Variants in NLGN1 observed in about 807,000 individuals in gnomAD.
NLGN1 encodes the protein neuroligin 1.
Under a neutral mutation model 65.5 loss-of-function variants are expected in NLGN1, and 12 were observed. That is an observed-to-expected ratio of 0.18 (90% confidence interval 0.12 to 0.30). The LOEUF (loss-of-function observed/expected upper bound fraction) is 0.30, where lower values mean the gene tolerates loss of function less well. NLGN1 is among the 10% of genes least tolerant of loss of function. The pLI is 1.00. For synonymous variants in NLGN1, 350 were observed against 359.5 expected, an observed-to-expected ratio of 0.97 and a Z score of 0.30; for missense variants, 750 against 1,007.1, an observed-to-expected ratio of 0.74 and a Z score of 3.46.
At chr3:174,165,956 C>G (rs1038418559) in intron 4 of NLGN1, among the ~76,000 whole-genome samples, 1 of 151,974 alleles carries the variant, frequency 6.6e-6, no homozygotes, top group Non-Finnish European at 1.5e-5. Flanking sequence ...TTATCCATTT[C>G]CTGTAGATTT....
intron 4 of NLGN1, among the ~76,000 whole-genome samples, chr3:173,839,526 G>A (rs561796817): frequency 6.8e-4 from 104 of 151,906 alleles, no homozygotes; most frequent in Non-Finnish European, 1.3e-3. Context: ...GGATTCAAGC[G>A]ATTCTTCTGC....
At chr3:173,810,805 A>C (rs1027198480) in intron 4 of NLGN1, among the ~76,000 whole-genome samples, 7 of 152,228 alleles carry the variant, frequency 4.6e-5, no homozygotes, top group Admixed American at 2.0e-4. Context: ...TCCTCAGAAG[A>C]AGCTAGTAAC....
intron 3 of NLGN1, among the ~76,000 whole-genome samples, chr3:173,674,386 T>G (rs967308227): frequency 4.6e-5 from 4 of 87,810 alleles, no homozygotes; most frequent in African/African-American, 1.1e-4. Flanking sequence ...TTATCCCAAC[T>G]TTACAGATGA....
chr3:173,889,798 T>C (rs1247671864), intron 4 of NLGN1, among the ~76,000 whole-genome samples: 3 of 152,084 alleles, frequency 2.0e-5, no homozygotes, highest in Non-Finnish European at 4.4e-5. Context: ...AAAATATGCA[T>C]CCTTCAAAAG....
chr3:173,951,851 C>T (rs2152330088), intron 4 of NLGN1, among the ~76,000 whole-genome samples: 1 of 152,128 alleles, frequency 6.6e-6, no homozygotes. Context: ...TATGTATATC[C>T]CATACCATTC....
chr3:173,758,105 A>T (rs768336073), intron 3 of NLGN1, among the ~76,000 whole-genome samples: 12 of 152,028 alleles, frequency 7.9e-5, no homozygotes, highest in Non-Finnish European at 2.9e-5. Context: ...TTATAAGAAG[A>T]GGAAGAAACA....
intron 4 of NLGN1, among the ~76,000 whole-genome samples, chr3:174,168,758 G>A (rs1415397880): frequency 6.6e-6 from 1 of 152,160 alleles, no homozygotes; most frequent in African/African-American, 2.4e-5. Context: ...GGGGATGACC[G>A]GGGCACATCC....
intron 3 of NLGN1, among the ~76,000 whole-genome samples, chr3:173,609,123 A>T (rs896044257): frequency 2.0e-5 from 3 of 151,978 alleles, no homozygotes; most frequent in Non-Finnish European, 2.9e-5. Context: ...GAGAAGGAGA[A>T]ACAAAGGACC....
intron 4 of NLGN1, among the ~76,000 whole-genome samples, chr3:174,179,449 C>T (rs1729992383): frequency 6.6e-6 from 1 of 152,032 alleles, no homozygotes; most frequent in South Asian, 2.1e-4. Context: ...ATTCAGACAG[C>T]TTCTGATGTA....
intron 1 of NLGN1, among the ~76,000 whole-genome samples, chr3:173,399,396 TC>T (rs1470919589): frequency 1.2e-4 from 18 of 152,226 alleles, no homozygotes; most frequent in African/African-American, 4.1e-4. Context: ...TCTCCCTTCT[TC>T]CACCCCCAAA....
chr3:173,949,176 C>T (rs9844274), intron 4 of NLGN1, among the ~76,000 whole-genome samples: 43,955 of 151,794 alleles, frequency 0.29, 6,573 homozygotes, highest in East Asian at 0.34. Context: ...ATAAAAATAG[C>T]ATGTTTTAGA....
chr3:173,501,056 A>G (rs1731026137), intron 2 of NLGN1, among the ~76,000 whole-genome samples: 1 of 152,142 alleles, frequency 6.6e-6, no homozygotes, highest in African/African-American at 2.4e-5. Context: ...CCAGGTTTTT[A>G]AAAATCTTTT....
intron 2 of NLGN1, among the ~76,000 whole-genome samples, chr3:173,465,293 A>G (rs1183211364): frequency 6.6e-6 from 1 of 152,168 alleles, no homozygotes; most frequent in Non-Finnish European, 1.5e-5. Context: ...CAAATGAGCA[A>G]TCCACTTTAG....
intron 4 of NLGN1, among the ~76,000 whole-genome samples, chr3:174,045,407 A>ACTCACTT (rs1733331469): frequency 6.6e-6 from 1 of 151,912 alleles, no homozygotes. Context: ...TCTTGCGAGA[A>ACTCACTT]CTCACTTACT....
intron 4 of NLGN1, among the ~76,000 whole-genome samples, chr3:173,940,727 A>C (rs1313682610): frequency 2.0e-5 from 3 of 152,148 alleles, no homozygotes; most frequent in Non-Finnish European, 2.9e-5. Flanking sequence ...GATTTCATAA[A>C]TTTGCCTTAC....
intron 3 of NLGN1, among the ~76,000 whole-genome samples, chr3:173,693,902 C>G (rs1281223247): frequency 6.6e-6 from 1 of 151,802 alleles, no homozygotes; most frequent in Non-Finnish European, 1.5e-5. Context: ...TATTAATACA[C>G]AGATATTAGT....
chr3:173,396,127 G>A (rs1323948131), upstream of NLGN1, among the ~76,000 whole-genome samples: 1 of 152,174 alleles, frequency 6.6e-6, no homozygotes, highest in African/African-American at 2.4e-5. Context: ...CCCCGCCTAT[G>A]ATTTTCGGAG....
chr3:173,888,764 G>C (rs1244619259), intron 4 of NLGN1, among the ~76,000 whole-genome samples: 1 of 151,606 alleles, frequency 6.6e-6, no homozygotes, highest in Non-Finnish European at 1.5e-5. Context: ...CATTTTTTTT[G>C]AGTGTTGAAG....
chr3:174,049,289 A>C (rs1369194534), intron 4 of NLGN1, among the ~76,000 whole-genome samples: 1 of 152,110 alleles, frequency 6.6e-6, no homozygotes, highest in Admixed American at 6.6e-5. Flanking sequence ...AGAGTAAGAA[A>C]AGTTATACTT....
Sources: gnomAD v4.1 joint callset for allele counts (sites outside exome capture counted in the v4.1 genomes callset) on GRCh38, gnomAD v4.1.1 for gene constraint, MANE v1.5 for transcripts, NCBI Gene and HGNC (gene_info 2026-07-23, HGNC 2026-07-21) for gene names.